Variants in LRP1B observed in about 807,000 individuals in gnomAD.
LRP1B encodes the protein low-density lipoprotein receptor-related protein 1B.
Under a neutral mutation model 556.6 loss-of-function variants are expected in LRP1B, and 217 were observed. That is an observed-to-expected ratio of 0.39 (90% confidence interval 0.35 to 0.44). The LOEUF is 0.44. Among genes scored for constraint, LRP1B ranks in the 20% least tolerant of loss-of-function variants. LRP1B has a pLI of 1.00. For synonymous variants in LRP1B, 2,047 were observed against 1,865.8 expected (o/e 1.10, Z -2.50); for missense variants, 5,053 against 5,620.8 (o/e 0.90, Z 3.23).
chr2:141,084,787 C>G (rs1574057859), intron 7 of LRP1B, among the ~76,000 whole-genome samples: 1 of 151,834 alleles, frequency 6.6e-6, no homozygotes, highest in East Asian at 2.0e-4. Context: ...GTAGCTGGGA[C>G]TACAGGTGCC....
chr2:140,511,475 G>C (rs1370949424), intron 51 of LRP1B, among the ~76,000 whole-genome samples: 2 of 151,766 alleles, frequency 1.3e-5, no homozygotes, highest in Non-Finnish European at 2.9e-5. Flanking sequence ...CTAATTTTTT[G>C]TATTTTTAGT....
chr2:140,716,148 A>T (rs1193873729), intron 36 of LRP1B, 46 bp from the exon 37 acceptor site: 10 of 1,367,160 alleles, frequency 7.3e-6, no homozygotes, highest in Non-Finnish European at 8.9e-6. Context: ...TTGAGAAAAA[A>T]AATGTATTTG....
At chr2:140,501,042 G>T (rs558223491) in intron 55 of LRP1B, among the ~76,000 whole-genome samples, 4 of 151,994 alleles carry the variant, frequency 2.6e-5, no homozygotes, top group Admixed American at 6.6e-5. Context: ...TTTCAACATT[G>T]TGTTAGTTTT....
At chr2:140,952,283 T>A (rs912247773) in intron 18 of LRP1B, among the ~76,000 whole-genome samples, 3 of 152,166 alleles carry the variant, frequency 2.0e-5, no homozygotes, top group Admixed American at 6.5e-5. Flanking sequence ...ATTGGAGCTG[T>A]ACACTCTGGA....
At chr2:140,884,998 C>T (rs1434208102) in intron 24 of LRP1B, among the ~76,000 whole-genome samples, 1 of 152,168 alleles carries the variant, frequency 6.6e-6, no homozygotes, top group East Asian at 1.9e-4. Context: ...CAAGCATGAG[C>T]CACTGTGCTG....
Position 141,524,731 on chromosome 2 carries a change from C to T in LRP1B, c.206-44198G>A, listed in dbSNP as rs182982740. Among the ~76,000 whole-genome samples the T allele has an allele frequency of 2.2e-3, 335 of 151,360 alleles. 1 individual carries two copies. The highest frequency in any genetic ancestry group is 0.014 in the Middle Eastern group (4 of 294). ...ATGCTATAATTTCACTATGCAGAGA[C>T]TTGAAATTACCCCATCAACTCTTAT... On this transcript the variant is annotated intron_variant, in intron 2 of 90. Coordinates refer to ENST00000389484, the MANE Select transcript of LRP1B (RefSeq NM_018557.3).
At chr2:141,289,790 G>C (rs1198207959) in intron 3 of LRP1B, among the ~76,000 whole-genome samples, 1 of 152,142 alleles carries the variant, frequency 6.6e-6, no homozygotes, top group Non-Finnish European at 1.5e-5. Context: ...GGGGGACATA[G>C]AAATATCTAA....
chr2:140,526,044 T>G, intron 48 of LRP1B, 51 bp from the exon 49 acceptor site: 1 of 1,581,922 alleles, frequency 6.3e-7, no homozygotes, highest in Non-Finnish European at 8.7e-7. Flanking sequence ...TCAAAGATTA[T>G]GAGCCTTCTA....
chr2:141,871,090 T>A (rs1395611618), intron 1 of LRP1B, among the ~76,000 whole-genome samples: 1 of 151,926 alleles, frequency 6.6e-6, no homozygotes, highest in African/African-American at 2.4e-5. Flanking sequence ...ACCTCACTTG[T>A]ATTTCTTTAA....
intron 5 of LRP1B, among the ~76,000 whole-genome samples, chr2:141,244,882 C>T (rs910573055): frequency 1.3e-5 from 2 of 152,034 alleles, no homozygotes; most frequent in African/African-American, 4.8e-5. Context: ...TTTGTAAGCT[C>T]ACAATGTCAT....
chr2:140,336,338 T>G (rs1681096304), intron 77 of LRP1B, among the ~76,000 whole-genome samples: 1 of 152,006 alleles, frequency 6.6e-6, no homozygotes, highest in African/African-American at 2.4e-5. Flanking sequence ...TCCACTTGGC[T>G]TGGTTACAGT....
intron 57 of LRP1B, among the ~76,000 whole-genome samples, chr2:140,491,642 C>T (rs2105372219): frequency 6.6e-6 from 1 of 152,138 alleles, no homozygotes; most frequent in Admixed American, 6.5e-5. Flanking sequence ...CAGCAAAAAA[C>T]TTTCCCTCTT....
At chr2:141,584,015 C>T (rs1007999287) in intron 2 of LRP1B, among the ~76,000 whole-genome samples, 7 of 151,822 alleles carry the variant, frequency 4.6e-5, no homozygotes, top group East Asian at 1.9e-4. Flanking sequence ...TTGTGGCAGC[C>T]GGCAAATAAC....
At chr2:141,014,796 T>C (rs1490493040) in intron 13 of LRP1B, among the ~76,000 whole-genome samples, 1 of 152,118 alleles carries the variant, frequency 6.6e-6, no homozygotes, top group Admixed American at 6.6e-5. Context: ...TAGCACCTGT[T>C]AAGTGTGTGA....
chr2:140,920,931 C>G lies in LRP1B; in HGVS notation c.3319+2034G>C, dbSNP rs1279035201. On this transcript the variant is annotated intron_variant, in intron 21 of 90. Coordinates refer to ENST00000389484, the MANE Select transcript of LRP1B (RefSeq NM_018557.3). ...AAAGTGTTCCAGAAAATTCAGTTCT[C>G]TAAAGATAGCCAGCTTTCCTCATCA... Among the ~76,000 whole-genome samples, 6 of 152,016 alleles carry G rather than the reference C, an allele frequency of 3.9e-5. No homozygotes were observed. In the East Asian group the frequency reaches 1.2e-3, roughly 29 times the overall value.
At chr2:140,307,922 T>G (rs530242227) in intron 83 of LRP1B, among the ~76,000 whole-genome samples, 23 of 151,906 alleles carry the variant, frequency 1.5e-4, no homozygotes, top group African/African-American at 5.3e-4. Flanking sequence ...TCTAAGGACT[T>G]TAGCAGAATT....
intron 1 of LRP1B, among the ~76,000 whole-genome samples, chr2:142,117,939 A>G (rs1707330047): frequency 6.6e-6 from 1 of 152,122 alleles, no homozygotes; most frequent in South Asian, 2.1e-4. Context: ...AGATCAGTCA[A>G]ATATGTCTGA....
chr2:140,903,145 C>T lies in LRP1B; in HGVS notation c.3541G>A (p.Gly1181Arg). 6.2e-7 allele frequency: 1 copy of T among 1,613,232 alleles called. No homozygotes were observed. Among genetic ancestry groups the T allele is most frequent in the Non-Finnish European group, 8.5e-7 (1 of 1,179,568 alleles). ...YLCDECSLNN[G>R]GCSNHCSVVP... is the part of the protein sequence containing the mutation. ...ACAGAACAGTGGTTGCTACAGCCTCCATTGTTCAGCGAACACTCATCTATA... is the reference window on the plus strand; with the variant it reads ...ACAGAACAGTGGTTGCTACAGCCTCTATTGTTCAGCGAACACTCATCTATA... The change falls in exon 23 of 91, where the codon GGA (glycine) becomes AGA (arginine). Residue 1181 changes from glycine (G) to arginine (R), a missense_variant. By Grantham distance (125) the Gly-to-Arg change is moderately radical (BLOSUM62 -2). This residue lies in a region of LRP1B where 3,619 missense variants were observed against 3,931.9 expected (regional missense o/e 0.92). Transcript: ENST00000389484.
intron 7 of LRP1B, 76 bp from the exon 8 acceptor site, chr2:141,062,349 C>T: frequency 1.1e-6 from 1 of 937,394 alleles, no homozygotes; most frequent in South Asian, 1.6e-5. Flanking sequence ...CTGTAAAAAA[C>T]AGAACTTTTT....
Sources: allele counts gnomAD v4.1 joint callset (sites outside exome capture counted in the v4.1 genomes callset), GRCh38; gene constraint gnomAD v4.1.1; regional missense constraint gnomAD v4.1.1; transcripts MANE v1.5; gene names NCBI Gene and HGNC (gene_info 2026-07-23, HGNC 2026-07-21).